The following SLC35F4 variants were observed in gnomAD, a reference collection of about 807,000 sequenced individuals.
SLC35F4 encodes the protein chromosome 14 open reading frame 36.
Under a neutral mutation model 44.2 loss-of-function variants are expected in SLC35F4, and 24 were observed. The observed-to-expected ratio is 0.54, with a 90% CI of 0.39 to 0.76. The LOEUF (loss-of-function observed/expected upper bound fraction) is 0.76, where lower values mean the gene tolerates loss of function less well. Ranked by LOEUF, SLC35F4 falls within the 30% of genes least tolerant of loss-of-function variation. The pLI is 0.00. For missense variants in SLC35F4, 562 were observed against 586.1 expected, an observed-to-expected ratio of 0.96 and a Z score of 0.42; for synonymous variants, 238 against 223.6, an observed-to-expected ratio of 1.06 and a Z score of -0.57.
chr14:57,932,940 A>T (rs769342375), intron 1 of SLC35F4, among the ~76,000 whole-genome samples: 1 of 152,042 alleles, frequency 6.6e-6, no homozygotes, highest in Non-Finnish European at 1.5e-5. Context: ...TTTTCTCTGA[A>T]GATTTGAAAA....
At chr14:57,979,704 T>C (rs539355823) in intron 1 of SLC35F4, among the ~76,000 whole-genome samples, 2 of 152,362 alleles carry the variant, frequency 1.3e-5, no homozygotes, top group Admixed American at 1.3e-4. Flanking sequence ...TAAGATGCAC[T>C]TCCCAAGATT....
chr14:57,684,090 C>A (rs1286933463), intron 1 of SLC35F4, among the ~76,000 whole-genome samples: 2 of 152,132 alleles, frequency 1.3e-5, no homozygotes, highest in African/African-American at 4.8e-5. Context: ...CTCTATAACT[C>A]ATCCCCTCCA....
At chr14:57,805,735 A>G (rs1566869845) in intron 1 of SLC35F4, among the ~76,000 whole-genome samples, 1 of 152,202 alleles carries the variant, frequency 6.6e-6, no homozygotes, top group South Asian at 2.1e-4. Context: ...ACGTTTACCT[A>G]TCTAACAAAC....
intron 1 of SLC35F4, among the ~76,000 whole-genome samples, chr14:57,793,987 G>T (rs1465102828): frequency 1.3e-5 from 2 of 152,102 alleles, no homozygotes; most frequent in African/African-American, 4.8e-5. Context: ...AATAAATGGT[G>T]CTGGGAAAAT....
At chr14:57,857,974 A>C (rs993790534) in intron 1 of SLC35F4, among the ~76,000 whole-genome samples, 1 of 152,056 alleles carries the variant, frequency 6.6e-6, no homozygotes, top group Non-Finnish European at 1.5e-5. Context: ...TCAAAACCAC[A>C]GTGAGATACC....
intron 1 of SLC35F4, among the ~76,000 whole-genome samples, chr14:57,801,827 C>A (rs2078200444): frequency 6.6e-6 from 1 of 152,180 alleles, no homozygotes; most frequent in Non-Finnish European, 1.5e-5. Flanking sequence ...CACTCAGATT[C>A]ATAAAGCAAG....
intron 1 of SLC35F4, among the ~76,000 whole-genome samples, chr14:57,856,118 T>C (rs1887058202): frequency 1.3e-5 from 2 of 151,898 alleles, no homozygotes. Context: ...GTGATTCTCC[T>C]GTCTCTACCT....
At chr14:57,730,024 T>C in intron 1 of SLC35F4, among the ~76,000 whole-genome samples, 1 of 152,218 alleles carries the variant, frequency 6.6e-6, no homozygotes, top group East Asian at 1.9e-4. Context: ...CCCCAGTTCC[T>C]GTGCCCTCCC....
chr14:57,759,880 G>GT (rs60160945), intron 1 of SLC35F4, among the ~76,000 whole-genome samples: 7,395 of 140,426 alleles, frequency 0.053, 259 homozygotes, highest in East Asian at 0.18. Flanking sequence ...TTCTTTGCTT[G>GT]TTTTTTTTTT....
At chr14:57,717,215 C>T (rs62005209) in intron 1 of SLC35F4, among the ~76,000 whole-genome samples, 59,772 of 151,524 alleles carry the variant, frequency 0.39, 11,737 homozygotes, top group Middle Eastern at 0.41. Flanking sequence ...CCTGGATACT[C>T]AGTAGTATTT....
At chr14:57,630,770 T>A in intron 1 of SLC35F4, 2 of 490,450 alleles carry the variant, frequency 4.1e-6, no homozygotes, top group Non-Finnish European at 6.9e-6. Context: ...AGGAATACAG[T>A]GTTGCAATGA....
At chr14:57,642,629 T>C (rs2073304759) in intron 1 of SLC35F4, among the ~76,000 whole-genome samples, 2 of 152,000 alleles carry the variant, frequency 1.3e-5, no homozygotes, top group Admixed American at 1.3e-4. Context: ...TTGATATTTT[T>C]TTCCAAGAAG....
chr14:57,844,443 A>G (rs552483250), intron 1 of SLC35F4, among the ~76,000 whole-genome samples: 1 of 152,364 alleles, frequency 6.6e-6, no homozygotes, highest in South Asian at 2.1e-4. Context: ...TCAGCATTCC[A>G]ATGATTTAAA....
At chr14:57,822,909 T>C (rs565872189) in intron 1 of SLC35F4, among the ~76,000 whole-genome samples, 1 of 152,158 alleles carries the variant, frequency 6.6e-6, no homozygotes, top group Non-Finnish European at 1.5e-5. Flanking sequence ...CTCTTCTGTA[T>C]CTACAACTTC....
upstream of SLC35F4, among the ~76,000 whole-genome samples, chr14:57,867,604 C>A (rs990592370): frequency 2.0e-5 from 3 of 150,018 alleles, no homozygotes; most frequent in African/African-American, 4.9e-5. Context: ...GCCTTTACAC[C>A]CCCCCCCACG....
intron 1 of SLC35F4, among the ~76,000 whole-genome samples, chr14:57,670,654 TA>T: frequency 6.6e-6 from 1 of 152,144 alleles, no homozygotes; most frequent in Admixed American, 6.5e-5. Context: ...GAGTGAGTCT[TA>T]ATCCTGAGTT....
At chr14:57,617,130 C>CTTTTTTTTTTTTTTTTTT (rs3054446) in intron 1 of SLC35F4, among the ~76,000 whole-genome samples, 7 of 99,260 alleles carry the variant, frequency 7.1e-5, no homozygotes, top group African/African-American at 1.1e-4. Context: ...TGTACTTATT[C>CTTTTTTTTTTTTTTTTTT]TTTTTTTTTT....
rs2069228195 is a variant in SLC35F4, at chr14:57,581,205, T to G, written c.807+9A>C. The G allele has an allele frequency of 1.3e-6, 2 of 1,520,602 alleles. No homozygotes were observed. The highest frequency in any genetic ancestry group is 1.8e-6 in the Non-Finnish European group (2 of 1,135,844). The allele number at this position is 1,520,602 out of a possible 1,614,324, so 94.2% of individuals were successfully genotyped here. A position where few individuals can be genotyped will look rare whatever the true frequency, so the allele number is the denominator to read the frequency against. On this transcript the variant is annotated intron_variant, in intron 4 of 7. Transcript: ENST00000556826. ...CAGGCATCGCGCATTGAATCAAGTA[T>G]GCCATTACCCTCACTCCCATGAACC...
intron 1 of SLC35F4, among the ~76,000 whole-genome samples, chr14:57,936,486 C>G (rs1477547914): frequency 6.6e-6 from 1 of 152,218 alleles, no homozygotes; most frequent in Non-Finnish European, 1.5e-5. Flanking sequence ...CAGTGGTTCT[C>G]AACCAGATTT....
Sources: gnomAD v4.1 joint callset for allele counts (sites outside exome capture counted in the v4.1 genomes callset) on GRCh38, gnomAD v4.1.1 for gene constraint, MANE v1.5 for transcripts, NCBI Gene and HGNC (gene_info 2026-07-23, HGNC 2026-07-21) for gene names.